Variants in NCAM2 observed in about 807,000 individuals in gnomAD.
The protein encoded by NCAM2 is neural cell adhesion molecule 2, also known as N-CAM-2.
A neutral mutation model predicts 98.1 loss-of-function variants in NCAM2; 30 were observed. The observed-to-expected ratio is 0.31, with a 90% CI of 0.23 to 0.41. The LOEUF (loss-of-function observed/expected upper bound fraction) is 0.41. Ranked by LOEUF, NCAM2 falls within the 10% of genes least tolerant of loss-of-function variation. The probability of loss-of-function intolerance (pLI) is 1.00; values close to 1 mark genes in which losing one functional copy is unlikely to be tolerated. For synonymous variants in NCAM2, 368 were observed against 342.4 expected (o/e 1.07, Z -0.83); for missense variants, 867 against 1,005.8 (o/e 0.86, Z 1.87).
intron 12 of NCAM2, among the ~76,000 whole-genome samples, chr21:21,453,129 T>C (rs1021233109): frequency 2.2e-5 from 3 of 137,874 alleles, no homozygotes; most frequent in Non-Finnish European, 3.1e-5. Flanking sequence ...TAACAAAATA[T>C]ATATAGTTTA....
At chr21:21,347,970 A>G (rs1376582770) in intron 8 of NCAM2, among the ~76,000 whole-genome samples, 1 of 152,134 alleles carries the variant, frequency 6.6e-6, no homozygotes, top group Non-Finnish European at 1.5e-5. Flanking sequence ...TGTCAAAATA[A>G]TAGAAGCCAT....
chr21:21,111,015 A>AGT (rs2066443682), intron 1 of NCAM2, among the ~76,000 whole-genome samples: 1 of 152,104 alleles, frequency 6.6e-6, no homozygotes, highest in African/African-American at 2.4e-5. Context: ...TTTCAGGAAA[A>AGT]GTATATTTGT....
At chr21:21,276,719 T>C (rs183644400) in intron 1 of NCAM2, among the ~76,000 whole-genome samples, 41 of 152,206 alleles carry the variant, frequency 2.7e-4, no homozygotes, top group Admixed American at 1.9e-3. Flanking sequence ...TTTTAATATA[T>C]ATGTATAGTT....
intron 9 of NCAM2, among the ~76,000 whole-genome samples, chr21:21,402,634 C>T (rs1031388626): frequency 6.6e-6 from 1 of 152,100 alleles, no homozygotes; most frequent in African/African-American, 2.4e-5. Flanking sequence ...TTTGTACACT[C>T]CCTCCCCTTT....
intron 15 of NCAM2, among the ~76,000 whole-genome samples, chr21:21,486,168 G>C (rs1251917724): frequency 4.6e-5 from 7 of 152,010 alleles, no homozygotes; most frequent in African/African-American, 1.7e-4. Flanking sequence ...GCCGGGCGTG[G>C]TGGCGGGCGC....
chr21:21,028,415 C>A (rs1736357740), intron 1 of NCAM2, among the ~76,000 whole-genome samples: 1 of 152,306 alleles, frequency 6.6e-6, no homozygotes, highest in East Asian at 1.9e-4. Flanking sequence ...TGAGGCCTGA[C>A]CAGCTCTTTC....
chr21:20,998,468 G>A lies in NCAM2; in HGVS notation c.-96G>A. 8.0e-7 allele frequency: 1 copy of A among 1,243,098 alleles called. No individual in the cohort carries two copies. The highest frequency in any genetic ancestry group is 1.1e-6 in the Non-Finnish European group (1 of 900,182). 77.0% of individuals were successfully genotyped at this position (1,243,098 alleles called of 1,614,324 possible). On this transcript the variant is annotated 5_prime_UTR_variant, in exon 1 of 18. Transcript: ENST00000400546. ...CTGGGGCACCGCGGGAGCGGCGGCG[G>A]CGGCTCTAGCAGAGGCGGCCGGGGC...
intron 1 of NCAM2, among the ~76,000 whole-genome samples, chr21:21,195,189 T>G (rs2068961898): frequency 6.6e-6 from 1 of 152,246 alleles, no homozygotes; most frequent in African/African-American, 2.4e-5. Flanking sequence ...AGGAAACACA[T>G]AGAACCTCAA....
intron 1 of NCAM2, among the ~76,000 whole-genome samples, chr21:21,167,145 A>T (rs1046304299): frequency 5.3e-5 from 8 of 151,950 alleles, no homozygotes; most frequent in African/African-American, 1.9e-4. Flanking sequence ...GGGAATTACT[A>T]CTGGGTGAGT....
intron 1 of NCAM2, among the ~76,000 whole-genome samples, chr21:21,194,735 A>C (rs2068946021): frequency 6.6e-6 from 1 of 152,178 alleles, no homozygotes; most frequent in African/African-American, 2.4e-5. Flanking sequence ...GCTGAATAAA[A>C]TATCCATTTT....
At chr21:21,393,504 A>T (rs573762602) in intron 9 of NCAM2, among the ~76,000 whole-genome samples, 154 of 152,296 alleles carry the variant, frequency 1.0e-3, no homozygotes, top group African/African-American at 3.5e-3. Flanking sequence ...TAATTATTTT[A>T]AGAGATCTTT....
At chr21:21,437,486 G>GTGTGTGTGTGTGTA (rs1304235708) in intron 12 of NCAM2, among the ~76,000 whole-genome samples, 1 of 151,762 alleles carries the variant, frequency 6.6e-6, no homozygotes, top group East Asian at 1.9e-4. Context: ...GTGTGTGTGT[G>GTGTGTGTGTGTGTA]TGTGTGTGTG....
intron 1 of NCAM2, among the ~76,000 whole-genome samples, chr21:21,278,813 A>G (rs1414464536): frequency 1.3e-5 from 2 of 152,046 alleles, no homozygotes; most frequent in African/African-American, 2.4e-5. Context: ...TTTTTTGGTA[A>G]ATATTTTGTT....
At chr21:21,437,945 G>C (rs1022861560) in intron 12 of NCAM2, among the ~76,000 whole-genome samples, 1 of 151,674 alleles carries the variant, frequency 6.6e-6, no homozygotes, top group African/African-American at 2.4e-5. Flanking sequence ...CTAAGGAAAA[G>C]CTTGTTTGTG....
intron 1 of NCAM2, among the ~76,000 whole-genome samples, chr21:21,255,430 C>G (rs1329458896): frequency 2.0e-5 from 3 of 152,244 alleles, no homozygotes; most frequent in African/African-American, 7.2e-5. Flanking sequence ...ACTTCTGCCT[C>G]TCTGGCACCA....
chr21:21,418,682 C>G, intron 11 of NCAM2, 113 bp downstream of exon 11: 1 of 797,656 alleles, frequency 1.3e-6, no homozygotes, highest in Non-Finnish European at 2.2e-6. Flanking sequence ...CAATGGATCT[C>G]TTGGAGATAT....
intron 9 of NCAM2, among the ~76,000 whole-genome samples, chr21:21,397,728 G>T (rs570758758): frequency 6.6e-6 from 1 of 152,222 alleles, no homozygotes; most frequent in Non-Finnish European, 1.5e-5. Flanking sequence ...CCACCTACTC[G>T]GTAGGAGGCA....
In NCAM2 at chr21:21,374,252, C is replaced by CT. The variant is rs537452783; in HGVS notation, c.1195+246dup. Among the ~76,000 whole-genome samples, 12 of 151,726 alleles carry CT rather than the reference C, an allele frequency of 7.9e-5. No individual in the cohort carries two copies. The East Asian group carries it at 2.1e-3, about 27-fold the overall frequency. Reference sequence around the variant, plus strand: ...ATTGCTTTTCCTGAAAATGGTCTTTCTTTTTTTGCAACATTGAACTCAAAA... The same window carrying CT: ...ATTGCTTTTCCTGAAAATGGTCTTTCTTTTTTTTGCAACATTGAACTCAAAA... On this transcript the variant is annotated intron_variant, in intron 9 of 17. Transcript: ENST00000400546.
At chr21:21,122,659 C>A (rs1601426174) in intron 1 of NCAM2, among the ~76,000 whole-genome samples, 1 of 152,116 alleles carries the variant, frequency 6.6e-6, no homozygotes, top group African/African-American at 2.4e-5. Flanking sequence ...TGGACCTATT[C>A]AGTTCTGTTT....
Sources: allele counts gnomAD v4.1 joint callset (sites outside exome capture counted in the v4.1 genomes callset), GRCh38; gene constraint gnomAD v4.1.1; transcripts MANE v1.5; gene names NCBI Gene and HGNC (gene_info 2026-07-23, HGNC 2026-07-21).